Variants in METTL24 observed in about 807,000 individuals in gnomAD.
METTL24 encodes the protein probable methyltransferase-like protein 24.
In METTL24, 29 loss-of-function variants were observed where a neutral mutation model predicts 32.7. The ratio of observed to expected loss-of-function variants is 0.89; its 90% CI spans 0.66 to 1.21. The LOEUF (loss-of-function observed/expected upper bound fraction) is 1.21. Ranked by LOEUF, METTL24 falls within the 50% of genes most tolerant of loss-of-function variation. The pLI is 0.00. For missense variants in METTL24, 439 were observed against 468.1 expected (o/e 0.94, Z 0.57); for synonymous variants, 163 against 179.5 (o/e 0.91, Z 0.73).
At chr6:110,261,437 C>T (rs1273569947) in intron 4 of METTL24, among the ~76,000 whole-genome samples, 3 of 152,038 alleles carry the variant, frequency 2.0e-5, no homozygotes, top group Non-Finnish European at 4.4e-5. Flanking sequence ...ATATATGCAC[C>T]CAATACAGGA....
At chr6:110,281,458 T>C (rs1313101014) in intron 4 of METTL24, among the ~76,000 whole-genome samples, 3 of 151,814 alleles carry the variant, frequency 2.0e-5, no homozygotes, top group African/African-American at 7.3e-5. Flanking sequence ...CCAGCCAATA[T>C]GGTGAAACCC....
In METTL24 at chr6:110,246,103, C is replaced by A; in HGVS notation, c.944G>T (p.Arg315Leu). ...EVSGSDSSVV[R>L]FWYSLLKELE... ...CTCTTTGAGAAGGCTGTACCAGAAC[C>A]GCACAACGCTGCTGTCACTGCCACT... is the stretch of plus-strand genomic sequence containing the variant. The change falls in exon 5 of 5, where the codon CGG (arginine) becomes CTG (leucine). Residue 315 changes from arginine (R) to leucine (L), a missense_variant. By Grantham distance (102) the Arg-to-Leu change is moderately radical. Transcript: ENST00000338882. 6.2e-7 allele frequency: 1 copy of A among 1,614,136 alleles called. No individual in the cohort carries two copies. The highest frequency in any genetic ancestry group is 1.1e-5 in the South Asian group (1 of 91,088).
intron 4 of METTL24, among the ~76,000 whole-genome samples, chr6:110,282,820 A>G (rs1771161678): frequency 6.6e-6 from 1 of 152,166 alleles, no homozygotes; most frequent in Admixed American, 6.5e-5. Flanking sequence ...AAGAGCTGTG[A>G]TATTTTTTTG....
chr6:110,282,861 A>T (rs1425542453), intron 4 of METTL24, among the ~76,000 whole-genome samples: 2 of 152,310 alleles, frequency 1.3e-5, no homozygotes, highest in Admixed American at 1.3e-4. Context: ...CTGAATTGCT[A>T]GCAAAATGAA....
chr6:110,265,240 A>T (rs1770835414), intron 4 of METTL24, among the ~76,000 whole-genome samples: 1 of 152,218 alleles, frequency 6.6e-6, no homozygotes, highest in Non-Finnish European at 1.5e-5. Flanking sequence ...CTGCACCAGG[A>T]GTGCCCAGAA....
chr6:110,306,034 A>G (rs1472332674), intron 3 of METTL24, among the ~76,000 whole-genome samples: 2 of 152,166 alleles, frequency 1.3e-5, no homozygotes, highest in African/African-American at 4.8e-5. Context: ...AGGGACATGG[A>G]TGAAGCTGGA....
chr6:110,310,771 G>A (rs1270197315), intron 3 of METTL24, among the ~76,000 whole-genome samples: 1 of 152,176 alleles, frequency 6.6e-6, no homozygotes, highest in Non-Finnish European at 1.5e-5. Flanking sequence ...GAAGATGGAG[G>A]TGATATCTGC....
intron 4 of METTL24, among the ~76,000 whole-genome samples, chr6:110,290,840 C>T (rs1185553202): frequency 2.0e-5 from 3 of 152,158 alleles, no homozygotes; most frequent in African/African-American, 7.2e-5. Context: ...TTTGAGCTTT[C>T]CAGTTACTCC....
chr6:110,264,638 T>C (rs1292808170), intron 4 of METTL24, among the ~76,000 whole-genome samples: 1 of 152,152 alleles, frequency 6.6e-6, no homozygotes, highest in Non-Finnish European at 1.5e-5. Flanking sequence ...ACCCAGAGGA[T>C]TATAAATCAT....
intron 4 of METTL24, among the ~76,000 whole-genome samples, chr6:110,248,932 T>C (rs1421892480): frequency 6.6e-6 from 1 of 152,026 alleles, no homozygotes; most frequent in Non-Finnish European, 1.5e-5. Flanking sequence ...ATCAAAACTT[T>C]GTAAAATTTT....
Position 110,329,672 on chromosome 6 carries a change from G to A in METTL24, c.319-6800C>T, listed in dbSNP as rs1186094529. On this transcript the variant is annotated intron_variant, in intron 1 of 4. Coordinates refer to ENST00000338882, the MANE Select transcript of METTL24 (RefSeq NM_001123364.3). ...AGGGGAGTGCCGGGTGCAGTTTCAC[G>A]TGCCTTCCCCTCAGCCTTCTCCTGT... 7.2e-5 allele frequency among the ~76,000 whole-genome samples: 11 copies of A among 152,274 alleles called. No homozygotes were observed. The East Asian group carries it at 7.7e-4, about 11-fold the overall frequency.
intron 4 of METTL24, 29 bp from the exon 5 acceptor site, chr6:110,246,289 C>A (rs1462692461): frequency 6.5e-7 from 1 of 1,546,902 alleles, no homozygotes; most frequent in African/African-American, 1.4e-5. Flanking sequence ...ATGAGATTAG[C>A]AGATTTAGTA....
intron 4 of METTL24, among the ~76,000 whole-genome samples, chr6:110,259,546 CAT>C (rs1778451061): frequency 6.6e-6 from 1 of 152,244 alleles, no homozygotes; most frequent in East Asian, 1.9e-4. Context: ...GGGGGCAGGG[CAT>C]AGCCAAACAA....
rs1436369183 is a variant in METTL24, at chr6:110,245,445, C to T, written c.*501G>A. Among the ~76,000 whole-genome samples the T allele has an allele frequency of 4.6e-5, 7 of 152,032 alleles. No individual in the cohort carries two copies. The highest frequency in any genetic ancestry group is 1.2e-4 in the African/African-American group (5 of 41,388). ...TGCTTAGAAAGCCACAGCATGGCCT[C>T]AGCAAAGGCTGAGAAGGAATGACTG... On this transcript the variant is annotated 3_prime_UTR_variant, in exon 5 of 5. Transcript: ENST00000338882.
intron 1 of METTL24, among the ~76,000 whole-genome samples, chr6:110,349,240 T>C (rs139932104): frequency 6.6e-6 from 1 of 152,374 alleles, no homozygotes; most frequent in African/African-American, 2.4e-5. Flanking sequence ...TGGGTGGGAC[T>C]GAGCAACTGG....
At chr6:110,322,966 G>T in intron 1 of METTL24, 94 bp from the exon 2 acceptor site, 3 of 938,216 alleles carry the variant, frequency 3.2e-6, no homozygotes, top group Non-Finnish European at 4.8e-6. Context: ...AGGCTGCTTT[G>T]GCTGTCAGCA....
At chr6:110,255,026 T>A (rs1778356435) in intron 4 of METTL24, among the ~76,000 whole-genome samples, 1 of 152,276 alleles carries the variant, frequency 6.6e-6, no homozygotes, top group East Asian at 1.9e-4. Context: ...CAATTATCAC[T>A]GTCAACTGGC....
Position 110,296,393 on chromosome 6 carries a change from C to G in METTL24, c.786+2529G>C, listed in dbSNP as rs148098127. Among the ~76,000 whole-genome samples, 571 of 152,332 alleles carry G rather than the reference C, an allele frequency of 3.7e-3. 4 individuals are homozygous for G. The highest frequency in any genetic ancestry group is 0.012 in the African/African-American group (516 of 41,560). ...AGACAGTTAATCATTTCACATAATG[C>G]TGGATCCAAGTGATATTACTCCCTG... On this transcript the variant is annotated intron_variant, in intron 4 of 4. Coordinates refer to ENST00000338882, the MANE Select transcript of METTL24 (RefSeq NM_001123364.3).
intron 4 of METTL24, among the ~76,000 whole-genome samples, chr6:110,293,465 T>C (rs1771356264): frequency 6.6e-6 from 1 of 151,998 alleles, no homozygotes; most frequent in Non-Finnish European, 1.5e-5. Flanking sequence ...GTTTGATAGT[T>C]TTTCATTAGA....
Sources: allele counts gnomAD v4.1 joint callset (sites outside exome capture counted in the v4.1 genomes callset), GRCh38; gene constraint gnomAD v4.1.1; transcripts MANE v1.5; gene names NCBI Gene and HGNC (gene_info 2026-07-23, HGNC 2026-07-21).